Variants in EXOC4 observed in about 807,000 individuals in gnomAD.
EXOC4 encodes exocyst complex component 4, also known as SEC8-like 1.
In EXOC4, 71 loss-of-function variants were observed where a neutral mutation model predicts 107.2. That is an observed-to-expected ratio of 0.66 (90% CI 0.55 to 0.81). EXOC4 has a LOEUF of 0.81. EXOC4 is among the 30% of genes least tolerant of loss of function. EXOC4 has a pLI of 0.00. For synonymous variants in EXOC4, 456 were observed against 441.2 expected, an observed-to-expected ratio of 1.03 and a Z score of -0.42; for missense variants, 1,108 against 1,189.6, an observed-to-expected ratio of 0.93 and a Z score of 1.01.
At chr7:133,603,598 T>C (rs536769150) in intron 9 of EXOC4, among the ~76,000 whole-genome samples, 105 of 152,278 alleles carry the variant, frequency 6.9e-4, no homozygotes, top group Non-Finnish European at 1.1e-3. Flanking sequence ...GTGTAGGCAA[T>C]TGTAACAAAA....
At chr7:133,946,805 T>C (rs1022589571) in intron 14 of EXOC4, among the ~76,000 whole-genome samples, 1 of 152,254 alleles carries the variant, frequency 6.6e-6, no homozygotes, top group Admixed American at 6.5e-5. Context: ...TCCTTGGTTT[T>C]GAGCATATTT....
chr7:134,072,710 A>G, the EXOC4 span, among the ~76,000 whole-genome samples: 1 of 152,178 alleles, frequency 6.6e-6, no homozygotes, highest in African/African-American at 2.4e-5. Flanking sequence ...CTGTTGCCTC[A>G]TCTTTGAAAT....
chr7:133,931,194 T>TA (rs1800167182), intron 13 of EXOC4, among the ~76,000 whole-genome samples: 1 of 152,220 alleles, frequency 6.6e-6, no homozygotes, highest in Admixed American at 6.5e-5. Context: ...TCAACACTGA[T>TA]ATCAAAGGCA....
intron 10 of EXOC4, among the ~76,000 whole-genome samples, chr7:133,666,163 G>A (rs1287798430): frequency 1.3e-5 from 2 of 152,072 alleles, no homozygotes; most frequent in African/African-American, 2.4e-5. Flanking sequence ...GGAAATAGAC[G>A]GATGTGCTGG....
intron 10 of EXOC4, among the ~76,000 whole-genome samples, chr7:133,809,474 C>G (rs922023207): frequency 3.9e-5 from 6 of 152,070 alleles, no homozygotes; most frequent in Non-Finnish European, 7.4e-5. Flanking sequence ...TTTTTTTAGT[C>G]TTTATTAATA....
chr7:133,284,336 A>G (rs1209116124), intron 2 of EXOC4, among the ~76,000 whole-genome samples: 1 of 152,156 alleles, frequency 6.6e-6, no homozygotes, highest in East Asian at 1.9e-4. Context: ...CTGTTTCCAT[A>G]GTAACCGTTA....
At chr7:133,738,783 A>G (rs1232367362) in intron 10 of EXOC4, among the ~76,000 whole-genome samples, 1 of 152,230 alleles carries the variant, frequency 6.6e-6, no homozygotes, top group Non-Finnish European at 1.5e-5. Context: ...CTTGGGTACC[A>G]TGTGAACCAG....
chr7:133,504,788 C>A (rs866234938), intron 9 of EXOC4, among the ~76,000 whole-genome samples: 2 of 151,950 alleles, frequency 1.3e-5, no homozygotes, highest in African/African-American at 2.4e-5. Context: ...TATTGAGTCT[C>A]TGGGACTCTT....
intron 10 of EXOC4, among the ~76,000 whole-genome samples, chr7:133,712,523 T>C (rs555903256): frequency 1.7e-4 from 25 of 149,250 alleles, no homozygotes; most frequent in African/African-American, 5.7e-4. Flanking sequence ...TCCACCATGA[T>C]GCATGATGGC....
At chr7:133,785,411 A>C (rs764078977) in intron 10 of EXOC4, among the ~76,000 whole-genome samples, 1 of 151,984 alleles carries the variant, frequency 6.6e-6, no homozygotes, top group Non-Finnish European at 1.5e-5. Flanking sequence ...TGTGTGTCTC[A>C]TTTACTGTAC....
intron 10 of EXOC4, among the ~76,000 whole-genome samples, chr7:133,794,510 A>G (rs557017095): frequency 2.6e-5 from 4 of 152,332 alleles, no homozygotes; most frequent in African/African-American, 9.6e-5. Context: ...CTCAAAATTA[A>G]GTTACCTGTT....
intron 10 of EXOC4, among the ~76,000 whole-genome samples, chr7:133,638,684 A>G (rs1281806222): frequency 6.6e-6 from 1 of 151,968 alleles, no homozygotes; most frequent in Non-Finnish European, 1.5e-5. Context: ...ACTGGTACGT[A>G]CGAGTATAAC....
chr7:133,808,727 A>C (rs924002968), intron 10 of EXOC4, among the ~76,000 whole-genome samples: 1 of 151,570 alleles, frequency 6.6e-6, no homozygotes, highest in Non-Finnish European at 1.5e-5. Flanking sequence ...GGATGGGCCC[A>C]TGTCTGGGGG....
chr7:133,881,803 CT>C (rs1281051077), intron 11 of EXOC4, among the ~76,000 whole-genome samples: 1 of 152,132 alleles, frequency 6.6e-6, no homozygotes, highest in Non-Finnish European at 1.5e-5. Context: ...AACAATACTG[CT>C]ATGTCTTCAC....
At chr7:133,338,743 G>A (rs1795586735) in intron 5 of EXOC4, among the ~76,000 whole-genome samples, 1 of 138,924 alleles carries the variant, frequency 7.2e-6, no homozygotes, top group Non-Finnish European at 1.5e-5. Flanking sequence ...ACCCAATGGT[G>A]TAGTCTTTTT....
At chr7:133,895,255 C>A (rs1799276557) in intron 11 of EXOC4, 2 of 179,832 alleles carry the variant, frequency 1.1e-5, no homozygotes, top group Non-Finnish European at 1.2e-5. Flanking sequence ...CTTGAGCTTC[C>A]CAGGTGAGGC....
At chr7:133,907,952 C>T (rs1799606398) in intron 12 of EXOC4, among the ~76,000 whole-genome samples, 1 of 152,192 alleles carries the variant, frequency 6.6e-6, no homozygotes, top group African/African-American at 2.4e-5. Context: ...TCTGCAGTAT[C>T]TTGCATGGTG....
At chr7:133,916,390 T>C (rs1386170280) in intron 12 of EXOC4, among the ~76,000 whole-genome samples, 1 of 152,186 alleles carries the variant, frequency 6.6e-6, no homozygotes, top group Non-Finnish European at 1.5e-5. Flanking sequence ...TGAAACTATG[T>C]TACCTTAAGT....
intron 6 of EXOC4, among the ~76,000 whole-genome samples, chr7:133,365,202 A>G (rs934706228): frequency 1.3e-5 from 2 of 152,170 alleles, no homozygotes; most frequent in Non-Finnish European, 2.9e-5. Flanking sequence ...ATATAGTACT[A>G]AGAACAACAA....
Sources: gnomAD v4.1 joint callset for allele counts (sites outside exome capture counted in the v4.1 genomes callset) on GRCh38, gnomAD v4.1.1 for gene constraint, MANE v1.5 for transcripts, NCBI Gene and HGNC (gene_info 2026-07-23, HGNC 2026-07-21) for gene names.